DPY19L1: variants seen among roughly 807,000 people sequenced by gnomAD.
DPY19L1 encodes the protein dpy-19 like C-mannosyltransferase 1.
Under a neutral mutation model 96.9 loss-of-function variants are expected in DPY19L1, and 35 were observed. The observed-to-expected ratio is 0.36, with a 90% CI of 0.28 to 0.48. The LOEUF (loss-of-function observed/expected upper bound fraction) is 0.48. DPY19L1 is among the 20% of genes least tolerant of loss of function. DPY19L1 has a pLI of 0.99. For synonymous variants in DPY19L1, 205 were observed against 252.6 expected (o/e 0.81, Z 1.79); for missense variants, 521 against 777.9 (o/e 0.67, Z 3.93).
intron 6 of DPY19L1, among the ~76,000 whole-genome samples, chr7:34,999,030 G>GATAA (rs1785362626): frequency 6.6e-6 from 1 of 151,936 alleles, no homozygotes; most frequent in Non-Finnish European, 1.5e-5. Context: ...AAGAAAACAG[G>GATAA]AAAAAAGAAA....
At chr7:35,014,424 A>C (rs2392305) in intron 3 of DPY19L1, among the ~76,000 whole-genome samples, 32,232 of 151,774 alleles carry the variant, frequency 0.21, 3,774 homozygotes, top group Admixed American at 0.36. Context: ...AAATACTAGA[A>C]GCCTAACGGA....
chr7:34,983,142 G>A (rs1271113552), intron 7 of DPY19L1, among the ~76,000 whole-genome samples: 1 of 152,152 alleles, frequency 6.6e-6, no homozygotes, highest in Non-Finnish European at 1.5e-5. Context: ...CTCTTCCTAG[G>A]TGCTTGACAT....
At chr7:34,931,825 T>C (rs770658744) in intron 21 of DPY19L1, 96 bp from the exon 22 acceptor site, 13 of 1,457,670 alleles carry the variant, frequency 8.9e-6, no homozygotes, top group Non-Finnish European at 1.2e-5. Flanking sequence ...AATTCCTTTT[T>C]TCCCCTTAAA....
chr7:34,971,091 C>T (rs910286140), intron 8 of DPY19L1, among the ~76,000 whole-genome samples: 1 of 152,130 alleles, frequency 6.6e-6, no homozygotes, highest in African/African-American at 2.4e-5. Context: ...CTTCTTGCCT[C>T]CACCAAGCCA....
intron 7 of DPY19L1, among the ~76,000 whole-genome samples, chr7:34,973,997 T>C (rs921079850): frequency 2.6e-5 from 4 of 152,210 alleles, no homozygotes; most frequent in Non-Finnish European, 4.4e-5. Context: ...CCATAACCAG[T>C]ACTTGAGAAC....
intron 13 of DPY19L1, among the ~76,000 whole-genome samples, chr7:34,950,646 C>T (rs1562803437): frequency 2.0e-5 from 3 of 152,112 alleles, no homozygotes; most frequent in Middle Eastern, 3.4e-3. Flanking sequence ...GCAGAAGGAA[C>T]AGGGTAAGAG....
At chr7:35,032,146 T>A (rs1170679716) in intron 1 of DPY19L1, among the ~76,000 whole-genome samples, 4 of 152,196 alleles carry the variant, frequency 2.6e-5, no homozygotes, top group African/African-American at 9.7e-5. Context: ...ACAAGAAAAC[T>A]AACATTTATT....
At position 34,940,413 on chromosome 7, in the gene DPY19L1, A is replaced by T. The variant is rs920729734; in HGVS notation, c.1690-86T>A. ...CAAAACTTCTTCCCAGAGAAGAATA[A>T]GGCCTCTGCTAGAGTCCCAAATAAA... On this transcript the variant is annotated intron_variant, in intron 18 of 21. Transcript: ENST00000638088. 7.8e-6 allele frequency: 9 copies of T among 1,151,470 alleles called. No homozygotes were observed. In the Admixed American group the frequency reaches 1.1e-4, roughly 14 times the overall value. The allele number at this position is 1,151,470 out of a possible 1,614,324, so 71.3% of individuals were successfully genotyped here. A position where few individuals can be genotyped will look rare whatever the true frequency, so the allele number is the denominator to read the frequency against.
chr7:34,947,222 C>G (rs1251334933), intron 15 of DPY19L1, among the ~76,000 whole-genome samples: 1 of 152,088 alleles, frequency 6.6e-6, no homozygotes, highest in Non-Finnish European at 1.5e-5. Context: ...TCTGTTTTTT[C>G]TTTCTGATTA....
At chr7:34,976,954 T>C (rs1403619048) in intron 7 of DPY19L1, among the ~76,000 whole-genome samples, 1 of 151,988 alleles carries the variant, frequency 6.6e-6, no homozygotes, top group Admixed American at 6.6e-5. Flanking sequence ...CAGCTAATTT[T>C]TTTTTTGTAT....
chr7:34,981,222 CA>C (rs771394261), intron 7 of DPY19L1, among the ~76,000 whole-genome samples: 16 of 151,838 alleles, frequency 1.1e-4, no homozygotes, highest in Admixed American at 6.6e-4. Flanking sequence ...ATGGGAGCAT[CA>C]AAAAGAACTG....
At chr7:34,951,616 C>G (rs1406043206) in intron 13 of DPY19L1, among the ~76,000 whole-genome samples, 1 of 151,682 alleles carries the variant, frequency 6.6e-6, no homozygotes, top group Non-Finnish European at 1.5e-5. Context: ...GTAAAAACAA[C>G]AGAGCTAAGT....
intron 8 of DPY19L1, among the ~76,000 whole-genome samples, chr7:34,970,378 C>G (rs970821631): frequency 2.6e-5 from 4 of 152,098 alleles, no homozygotes; most frequent in African/African-American, 9.7e-5. Flanking sequence ...CTTTTAAACT[C>G]CAGATAACCT....
intron 8 of DPY19L1, among the ~76,000 whole-genome samples, chr7:34,972,089 G>C (rs1455059841): frequency 6.6e-6 from 1 of 152,170 alleles, no homozygotes; most frequent in South Asian, 2.1e-4. Context: ...GAAGATGAAG[G>C]AGCCACAAGC....
chr7:35,035,524 A>G (rs1457852801), intron 1 of DPY19L1, among the ~76,000 whole-genome samples: 1 of 152,238 alleles, frequency 6.6e-6, no homozygotes, highest in African/African-American at 2.4e-5. Flanking sequence ...TTTTACTACA[A>G]AGTGGTTAAT....
chr7:34,931,402 G>T lies in DPY19L1; in HGVS notation c.*171C>A. ...ATTGAAATAGTAACCAATTGATAAA[G>T]GTGTAAGTCATTTTTATAATTAGAA... On this transcript the variant is annotated 3_prime_UTR_variant, in exon 22 of 22. Coordinates refer to ENST00000638088, the MANE Select transcript of DPY19L1 (RefSeq NM_001366673.1). The T allele has an allele frequency of 1.1e-6, 1 of 906,010 alleles. No homozygotes were observed. The highest frequency in any genetic ancestry group is 1.5e-6 in the Non-Finnish European group (1 of 655,372). The allele number at this position is 906,010 out of a possible 1,614,324, so 56.1% of individuals were successfully genotyped here. A position where few individuals can be genotyped will look rare whatever the true frequency, so the allele number is the denominator to read the frequency against.
chr7:34,981,563 G>A (rs759516280), intron 7 of DPY19L1, among the ~76,000 whole-genome samples: 126 of 152,308 alleles, frequency 8.3e-4, no homozygotes, highest in Non-Finnish European at 1.7e-3. Context: ...ATTTAACTTT[G>A]TAAATTCAAT....
rs565248292 is a variant in DPY19L1, at chr7:34,974,989, A to C, written c.823-1384T>G. 1.2e-4 allele frequency among the ~76,000 whole-genome samples: 19 copies of C among 152,260 alleles called. No individual in the cohort carries two copies. The South Asian group carries it at 3.9e-3, about 32-fold the overall frequency. ...CAATAAGATGGCAAACTTAATGGAT[A>C]AATGTGTGTGTTCTAACTGCTCCAC... On this transcript the variant is annotated intron_variant, in intron 7 of 21. Coordinates refer to ENST00000638088, the MANE Select transcript of DPY19L1 (RefSeq NM_001366673.1).
intron 14 of DPY19L1, among the ~76,000 whole-genome samples, chr7:34,948,168 C>A (rs1322314530): frequency 1.4e-5 from 2 of 140,062 alleles, no homozygotes; most frequent in Admixed American, 1.4e-4. Flanking sequence ...TCTTTAGTAG[C>A]AGAAAAAAAA....
Sources: allele counts gnomAD v4.1 joint callset (sites outside exome capture counted in the v4.1 genomes callset), GRCh38; gene constraint gnomAD v4.1.1; transcripts MANE v1.5; gene names NCBI Gene and HGNC (gene_info 2026-07-23, HGNC 2026-07-21).